Variants in RWDD1 observed in about 807,000 individuals in gnomAD.
The protein encoded by RWDD1 is RWD domain containing 1, also known as RWD domain-containing protein 1.
A neutral mutation model predicts 31.6 loss-of-function variants in RWDD1; 17 were observed. The ratio of observed to expected loss-of-function variants is 0.54; its 90% CI spans 0.37 to 0.81. The LOEUF is 0.81. RWDD1 is among the 30% of genes least tolerant of loss of function. The probability of loss-of-function intolerance (pLI) is 0.00; values close to 1 mark genes in which losing one functional copy is unlikely to be tolerated. For synonymous variants in RWDD1, 78 were observed against 94.2 expected (o/e 0.83, Z 0.99); for missense variants, 204 against 274.5 (o/e 0.74, Z 1.82).
Position 116,590,261 on chromosome 6 carries a change from TA to T in RWDD1, c.415-10del. On this transcript the variant is annotated splice_polypyrimidine_tract_variant and intron_variant, in intron 4 of 6. Coordinates refer to ENST00000466444, the MANE Select transcript of RWDD1 (RefSeq NM_015952.4). ...CATTAATCTGGTGACTTTTTTTTTT[TA>T]TTTCCTAAGCAATTATTCCATGGTA... 1 of 1,476,052 alleles carries T rather than the reference TA, an allele frequency of 6.8e-7. No homozygotes were observed. 91.4% of individuals were successfully genotyped at this position (1,476,052 alleles called of 1,614,324 possible).
rs1775130627 is a variant in RWDD1, at chr6:116,590,868, TA to T, written c.548-19del. The T allele has an allele frequency of 1.3e-6, 2 of 1,550,356 alleles. No individual in the cohort carries two copies. The highest frequency in any genetic ancestry group is 1.7e-6 in the Non-Finnish European group (2 of 1,157,808). ...AAAACTATGCCATTTGAATTAAACA[TA>T]CTTTTTTTTTTTTTTTAGGGAAACA... On this transcript the variant is annotated intron_variant, in intron 5 of 6. Transcript: ENST00000466444.
chr6:116,582,154 C>T (rs935608829), intron 2 of RWDD1, among the ~76,000 whole-genome samples: 7 of 151,400 alleles, frequency 4.6e-5, no homozygotes, highest in South Asian at 2.1e-4. Flanking sequence ...ATGGAAATAG[C>T]GATCTCTTCC....
intron 1 of RWDD1, among the ~76,000 whole-genome samples, chr6:116,579,157 T>C (rs1316966103): frequency 1.3e-5 from 2 of 152,248 alleles, no homozygotes; most frequent in Admixed American, 1.3e-4. Flanking sequence ...ACTACAGGCA[T>C]GAGCCACTGT....
At chr6:116,574,988 T>C (rs1012647041) in intron 1 of RWDD1, among the ~76,000 whole-genome samples, 4 of 152,068 alleles carry the variant, frequency 2.6e-5, no homozygotes, top group African/African-American at 9.7e-5. Context: ...CAGGTTAGTC[T>C]CAAACTCTTG....
intron 4 of RWDD1, among the ~76,000 whole-genome samples, 171 bp from the exon 5 acceptor site, chr6:116,590,101 A>G (rs1775112151): frequency 6.6e-6 from 1 of 152,216 alleles, no homozygotes; most frequent in Non-Finnish European, 1.5e-5. Flanking sequence ...TGCCAAAACC[A>G]GTGAGAGTAG....
chr6:116,590,600 T>A (rs1775124602), intron 5 of RWDD1, among the ~76,000 whole-genome samples, 196 bp downstream of exon 5: 1 of 152,204 alleles, frequency 6.6e-6, no homozygotes, highest in South Asian at 2.1e-4. Flanking sequence ...ATCTTTGATA[T>A]AAGTATTATA....
rs1775009809 is a variant in RWDD1, at chr6:116,584,786, T to C, written c.199T>C (p.Tyr67His). The change falls in exon 3 of 7, where the codon TAT becomes CAT. Residue 67 changes from tyrosine (Y) to histidine (H), a missense_variant. Tyr to His is a moderately conservative substitution (Grantham distance 83). Coordinates refer to ENST00000466444, the MANE Select transcript of RWDD1 (RefSeq NM_015952.4). ...SEKYPDEAPL[Y>H]EIFSQENLED... is the part of the protein sequence containing the mutation. Reference sequence around the variant, plus strand: ...AAAATACCCAGATGAAGCTCCCCTTTATGAAATATTCTCCCAGGAAAATCT... The same window carrying C: ...AAAATACCCAGATGAAGCTCCCCTTCATGAAATATTCTCCCAGGAAAATCT... The C allele has an allele frequency of 1.4e-5, 23 of 1,604,988 alleles. No individual in the cohort carries two copies. The highest frequency in any genetic ancestry group is 1.9e-5 in the Non-Finnish European group (22 of 1,171,942).
rs1223016214 is a variant in RWDD1 at position 116,590,384 on chromosome 6, C to A, written c.527C>A (p.Ala176Glu). The A allele has an allele frequency of 6.3e-7, 1 of 1,593,634 alleles. No individual in the cohort carries two copies. Among genetic ancestry groups the A allele is most frequent in the Non-Finnish European group, 8.5e-7 (1 of 1,173,762 alleles). Residue 176 changes from alanine to glutamate, a missense_variant, in exon 5 of 7, where the codon GCA becomes GAA. Ala to Glu is a moderately radical substitution (Grantham distance 107, BLOSUM62 -1). Coordinates refer to ENST00000466444, the MANE Select transcript of RWDD1 (RefSeq NM_015952.4). The stretch of plus-strand genomic sequence containing the variant: ...AAAAGGATGAAAGAAGAAGAACAAG[C>A]AGGAAAAAATAAATTAAGTGGTATG... Reference protein sequence around the residue: ...KKKRMKEEEQAGKNKLSGKQL... With the variant: ...KKKRMKEEEQEGKNKLSGKQL...
intron 2 of RWDD1, among the ~76,000 whole-genome samples, chr6:116,583,423 T>C (rs1039536771): frequency 6.6e-6 from 1 of 152,120 alleles, no homozygotes; most frequent in Non-Finnish European, 1.5e-5. Context: ...CAAGATGAAA[T>C]AAGTTTGGGG....
intron 1 of RWDD1, among the ~76,000 whole-genome samples, chr6:116,576,195 A>G (rs1347247602): frequency 6.6e-6 from 1 of 152,256 alleles, no homozygotes; most frequent in Non-Finnish European, 1.5e-5. Flanking sequence ...TATCTGTTTA[A>G]TGAGAAATAA....
At chr6:116,580,393 T>A in intron 2 of RWDD1, 33 bp downstream of exon 2, 1 of 1,509,796 alleles carries the variant, frequency 6.6e-7, no homozygotes, top group Non-Finnish European at 9.1e-7. Context: ...GTGGTTTTTC[T>A]AAATTTCTCA....
chr6:116,587,853 C>T (rs1395720694), intron 3 of RWDD1, among the ~76,000 whole-genome samples: 4 of 151,860 alleles, frequency 2.6e-5, no homozygotes, highest in Non-Finnish European at 4.4e-5. Flanking sequence ...ACTTAAATGA[C>T]GTTTAGGAAT....
rs753150159 is a variant in RWDD1 at position 116,589,003 on chromosome 6, GTTTTC to G, written c.414+23_414+27del. On this transcript the variant is annotated intron_variant, in intron 4 of 6. Transcript: ENST00000466444. ...CTGAAAAGGTATATTTAAAAGCCTT[GTTTTC>G]TTTTATTATTTCTTAAATCAGTTTT... is the stretch of plus-strand genomic sequence containing the variant. 4 of 1,276,348 alleles carry G rather than the reference GTTTTC, an allele frequency of 3.1e-6. No homozygotes were observed. The highest frequency in any genetic ancestry group is 3.6e-5 in the Admixed American group (1 of 27,832). 79.1% of individuals were successfully genotyped at this position (1,276,348 alleles called of 1,614,324 possible).
At chr6:116,583,546 A>G (rs1774984658) in intron 2 of RWDD1, among the ~76,000 whole-genome samples, 1 of 152,192 alleles carries the variant, frequency 6.6e-6, no homozygotes, top group South Asian at 2.1e-4. Context: ...ACACACACAC[A>G]CACACAAATC....
intron 3 of RWDD1, 85 bp from the exon 4 acceptor site, chr6:116,588,757 A>T: frequency 1.1e-6 from 1 of 891,880 alleles, no homozygotes; most frequent in Non-Finnish European, 1.6e-6. Flanking sequence ...TGAACATAGA[A>T]TATAACCAAA....
chr6:116,590,451 AT>A, intron 5 of RWDD1, 47 bp downstream of exon 5: 1 of 1,502,100 alleles, frequency 6.7e-7, no homozygotes, highest in Non-Finnish European at 8.8e-7. Context: ...CTCCTGTATC[AT>A]TTTTTATATA....
intron 1 of RWDD1, among the ~76,000 whole-genome samples, chr6:116,575,258 G>A (rs1240830522): frequency 1.3e-5 from 2 of 152,106 alleles, no homozygotes; most frequent in Middle Eastern, 3.4e-3. Flanking sequence ...GCTAATTTTT[G>A]TATTTTTGGT....
intron 1 of RWDD1, among the ~76,000 whole-genome samples, chr6:116,575,613 C>T (rs1240323494): frequency 6.6e-6 from 1 of 152,138 alleles, no homozygotes; most frequent in Non-Finnish European, 1.5e-5. Flanking sequence ...TTAAAAAATA[C>T]TTATTTTAAT....
chr6:116,584,692 A>G, intron 2 of RWDD1, 35 bp from the exon 3 acceptor site: 3 of 1,585,188 alleles, frequency 1.9e-6, no homozygotes, highest in Non-Finnish European at 2.6e-6. Context: ...TTTACTTTTA[A>G]GGTATTCACA....
Sources: allele counts gnomAD v4.1 joint callset (sites outside exome capture counted in the v4.1 genomes callset), GRCh38; gene constraint gnomAD v4.1.1; transcripts MANE v1.5; gene names NCBI Gene and HGNC (gene_info 2026-07-23, HGNC 2026-07-21).